The following CSMD2 variants were observed in gnomAD, a reference collection of about 807,000 sequenced individuals.
The protein encoded by CSMD2 is CUB and Sushi multiple domains 2, also known as CUB and sushi domain-containing protein 2.
In CSMD2, 130 loss-of-function variants were observed where a neutral mutation model predicts 398.5. That is an observed-to-expected ratio of 0.33 (90% CI 0.28 to 0.38). The LOEUF (loss-of-function observed/expected upper bound fraction) is 0.38, where lower values mean the gene tolerates loss of function less well. Ranked by LOEUF, CSMD2 falls within the 10% of genes least tolerant of loss-of-function variation. CSMD2 has a pLI of 1.00. For missense variants in CSMD2, 3,829 were observed against 4,764.9 expected, an observed-to-expected ratio of 0.80 and a Z score of 5.78; for synonymous variants, 1,828 against 1,908.5, an observed-to-expected ratio of 0.96 and a Z score of 1.10.
rs565505713 is a variant in CSMD2 at position 33,650,637 on chromosome 1, T to G, written c.4586+1686A>C. On this transcript the variant is annotated intron_variant, in intron 28 of 70. Coordinates refer to ENST00000373381, the MANE Select transcript of CSMD2 (RefSeq NM_001281956.2). Reference sequence around the variant, plus strand: ...GAAACTCCAAAGTTTGGGCCTTTATTATAAGCAATAGAGGGCCATGATAGG... The same window carrying G: ...GAAACTCCAAAGTTTGGGCCTTTATGATAAGCAATAGAGGGCCATGATAGG... Among the ~76,000 whole-genome samples, 68 of 152,268 alleles carry G rather than the reference T, an allele frequency of 4.5e-4. No individual in the cohort carries two copies. In the South Asian group the frequency reaches 5.0e-3, roughly 11 times the overall value.
chr1:33,850,288 C>A (rs112346588), intron 5 of CSMD2, among the ~76,000 whole-genome samples: 63 of 152,260 alleles, frequency 4.1e-4, no homozygotes, highest in African/African-American at 1.5e-3. Context: ...CAGGAATACA[C>A]GTTGTTCTTT....
At chr1:33,720,855 C>T (rs377086003) in intron 19 of CSMD2, among the ~76,000 whole-genome samples, 14 of 152,060 alleles carry the variant, frequency 9.2e-5, no homozygotes, top group Admixed American at 5.9e-4. Context: ...GTGCCACCCC[C>T]GCCAAATAAT....
At chr1:34,151,755 TTTTTC>T (rs1640340453) in intron 1 of CSMD2, among the ~76,000 whole-genome samples, 1 of 152,054 alleles carries the variant, frequency 6.6e-6, no homozygotes, top group Non-Finnish European at 1.5e-5. Context: ...AGACTTTCTA[TTTTTC>T]TTTTATTTCT....
intron 64 of CSMD2, among the ~76,000 whole-genome samples, chr1:33,527,755 TAAG>T (rs1454310772): frequency 6.6e-6 from 1 of 152,016 alleles, no homozygotes; most frequent in Non-Finnish European, 1.5e-5. Context: ...TACATTTCAG[TAAG>T]AAGTAAAGGA....
intron 53 of CSMD2, among the ~76,000 whole-genome samples, chr1:33,563,320 G>A (rs1436007532): frequency 1.3e-5 from 2 of 152,068 alleles, no homozygotes; most frequent in Non-Finnish European, 2.9e-5. Flanking sequence ...TCACTAAGGA[G>A]GCAGGAGGGA....
At chr1:33,587,032 T>C in intron 45 of CSMD2, 56 bp downstream of exon 45, 1 of 1,404,400 alleles carries the variant, frequency 7.1e-7, no homozygotes, top group Non-Finnish European at 9.8e-7. Context: ...CCCCGCCACC[T>C]TCCCTTCCTT....
intron 3 of CSMD2, among the ~76,000 whole-genome samples, chr1:33,983,832 C>T (rs1041947667): frequency 6.6e-6 from 1 of 152,124 alleles, no homozygotes; most frequent in African/African-American, 2.4e-5. Flanking sequence ...AGACGAAAGA[C>T]TTGCACCATA....
At chr1:33,552,557 T>C (rs1657557726) in intron 55 of CSMD2, among the ~76,000 whole-genome samples, 1 of 152,236 alleles carries the variant, frequency 6.6e-6, no homozygotes, top group African/African-American at 2.4e-5. Flanking sequence ...AATTGTCGAA[T>C]GCATAAACAA....
At chr1:34,130,744 C>A (rs564201544) in intron 1 of CSMD2, among the ~76,000 whole-genome samples, 1 of 152,240 alleles carries the variant, frequency 6.6e-6, no homozygotes, top group East Asian at 1.9e-4. Flanking sequence ...GCCCTCCACC[C>A]ATCCTTAGGC....
At chr1:33,531,964 T>C (rs774741078) in intron 64 of CSMD2, among the ~76,000 whole-genome samples, 1 of 152,254 alleles carries the variant, frequency 6.6e-6, no homozygotes, top group Non-Finnish European at 1.5e-5. Context: ...GTATATTATG[T>C]ATATTCTATC....
chr1:33,881,189 T>C (rs1193049137), intron 5 of CSMD2, among the ~76,000 whole-genome samples: 1 of 152,232 alleles, frequency 6.6e-6, no homozygotes, highest in Non-Finnish European at 1.5e-5. Flanking sequence ...TCTTTCTGTC[T>C]AGTGGACAAA....
intron 60 of CSMD2, among the ~76,000 whole-genome samples, chr1:33,538,756 T>C (rs1221839672): frequency 6.6e-6 from 1 of 152,194 alleles, no homozygotes; most frequent in African/African-American, 2.4e-5. Context: ...GAGCGATCTT[T>C]TAAAGCTCCT....
At position 33,645,959 on chromosome 1, in the gene CSMD2, G is replaced by A. The variant is rs554465999; in HGVS notation, c.4774+689C>T. Among the ~76,000 whole-genome samples, 4 of 152,362 alleles carry A rather than the reference G, an allele frequency of 2.6e-5. No individual in the cohort carries two copies. In the South Asian group the frequency reaches 8.3e-4, roughly 32 times the overall value. ...ATTTCTTTCTGTTTTGTCTGTGGCT[G>A]CTTTAGCACTACAGTAGTAGGGCTG... On this transcript the variant is annotated intron_variant, in intron 29 of 70. Transcript: ENST00000373381.
At chr1:34,007,934 T>C (rs1483476760) in intron 3 of CSMD2, among the ~76,000 whole-genome samples, 1 of 152,208 alleles carries the variant, frequency 6.6e-6, no homozygotes, top group Non-Finnish European at 1.5e-5. Context: ...AAGCAAGACA[T>C]GTGGTCTTGA....
chr1:33,672,501 A>G (rs2149033782), intron 25 of CSMD2, among the ~76,000 whole-genome samples: 1 of 152,312 alleles, frequency 6.6e-6, no homozygotes, highest in Non-Finnish European at 1.5e-5. Flanking sequence ...CAGCTCAAGG[A>G]GCCCTGCCTG....
intron 3 of CSMD2, among the ~76,000 whole-genome samples, chr1:33,992,234 T>A (rs1333823692): frequency 6.6e-6 from 1 of 152,158 alleles, no homozygotes; most frequent in African/African-American, 2.4e-5. Flanking sequence ...CATTCGTATA[T>A]AAGCTCATAA....
At chr1:33,569,848 G>A (rs1276224202) in intron 51 of CSMD2, among the ~76,000 whole-genome samples, 2 of 152,190 alleles carry the variant, frequency 1.3e-5, no homozygotes, top group Non-Finnish European at 2.9e-5. Context: ...GCTGAGATGT[G>A]CACTGTGGTT....
chr1:34,140,317 C>CAAAAA (rs35742065), intron 1 of CSMD2, among the ~76,000 whole-genome samples: 6 of 137,766 alleles, frequency 4.4e-5, no homozygotes, highest in Admixed American at 7.6e-5. Context: ...AACAAACAAA[C>CAAAAA]AAAAAAAAAC....
In CSMD2 at chr1:33,614,568, G is replaced by C. The variant is rs1641259938; in HGVS notation, c.6069C>G (p.Gly2023=). 1 of 1,613,144 alleles carries C rather than the reference G, an allele frequency of 6.2e-7. No individual in the cohort carries two copies. Among genetic ancestry groups the C allele is most frequent in the African/African-American group, 1.3e-5 (1 of 74,778 alleles). Reference sequence around the variant, plus strand: ...TGTTACTGGGGTAGTTGCCTGGGAAGCCGGGGCTCAGGATCACCCCCTCCA... The same window carrying C: ...TGTTACTGGGGTAGTTGCCTGGGAACCCGGGGCTCAGGATCACCCCCTCCA... ...EEMEGVILSP[G]FPGNYPSNMD... is the part of the protein sequence containing the mutation. The change falls in exon 40 of 71, where the codon GGC becomes GGG. Residue 2023 remains glycine (G), a synonymous_variant. Transcript: ENST00000373381.
Sources: gnomAD v4.1 joint callset for allele counts (sites outside exome capture counted in the v4.1 genomes callset) on GRCh38, gnomAD v4.1.1 for gene constraint, MANE v1.5 for transcripts, NCBI Gene and HGNC (gene_info 2026-07-23, HGNC 2026-07-21) for gene names.